Variants in BRCA2 observed in about 807,000 individuals in gnomAD.
BRCA2 encodes the protein breast cancer type 2 susceptibility protein.
In BRCA2, 203 loss-of-function variants were observed where a neutral mutation model predicts 276.7. The ratio of observed to expected loss-of-function variants is 0.73; its 90% CI spans 0.65 to 0.82. BRCA2 has a LOEUF of 0.82. Ranked by LOEUF, BRCA2 falls within the 40% of genes least tolerant of loss-of-function variation. The probability of loss-of-function intolerance (pLI) is 0.00; values close to 1 mark genes in which losing one functional copy is unlikely to be tolerated. For synonymous variants in BRCA2, 1,289 were observed against 1,338.4 expected (o/e 0.96, Z 0.81); for missense variants, 3,920 against 3,915.0 (o/e 1.00, Z -0.03).
rs80358632 is a variant in BRCA2 at position 32,338,236 on chromosome 13, T to A, written c.3881T>A (p.Leu1294Ter). 6.5e-7 allele frequency: 1 copy of A among 1,543,112 alleles called. No individual in the cohort carries two copies. Residue 1294 changes from leucine to a stop codon, truncating the protein, a stop_gained, in exon 11 of 27, where the codon TTA (leucine) becomes TAA (stop). Transcript: ENST00000380152. LOFTEE classifies it high-confidence loss of function. ...AAAAATAATAAATGCCAACTGATAT[T>A]ACAAAATAATATTGAAATGACTACT... ...SEKNNKCQLILQNNIEMTTGT... is the reference protein window; with the variant it reads ...SEKNNKCQLI
chr13:32,337,798 A>G lies in BRCA2; in HGVS notation c.3443A>G (p.Gln1148Arg), dbSNP rs200808363. ...AGTACATTTGAAGTGCCTGAAAACC[A>G]GATGACTATCTTAAAGACCACTTCT... is the stretch of plus-strand genomic sequence containing the variant. ...QKSTFEVPEN[Q>R]MTILKTTSEE... The change falls in exon 11 of 27, where the codon CAG (glutamine) becomes CGG (arginine). Residue 1148 changes from glutamine (Q) to arginine (R), a missense_variant. By Grantham distance (43) the Gln-to-Arg change is conservative. This residue lies in a region of BRCA2 where 3,263 missense variants were observed against 3,156.9 expected (regional missense o/e 1.03). Coordinates refer to ENST00000380152, the MANE Select transcript of BRCA2 (RefSeq NM_000059.4). The G allele has an allele frequency of 4.3e-6, 7 of 1,614,114 alleles. No individual in the cohort carries two copies. Among genetic ancestry groups the G allele is most frequent in the East Asian group, 2.2e-5 (1 of 44,882 alleles).
rs118187652 is a variant in BRCA2, at chr13:32,368,578, C to T, written c.8332-1824C>T. Among the ~76,000 whole-genome samples the T allele has an allele frequency of 0.016, 2,403 of 151,068 alleles. 29 individuals are homozygous for T. The highest frequency in any genetic ancestry group is 0.025 in the Non-Finnish European group (1,713 of 67,850). On this transcript the variant is annotated intron_variant, in intron 18 of 26. Transcript: ENST00000380152. ...TTGAGTCTCTCTGGTTAGAGACTTT[C>T]CTCAATGGTGATCATTCACTGATCC...
At chr13:32,319,380 A>G in intron 3 of BRCA2, 55 bp downstream of exon 3, 2 of 1,511,010 alleles carry the variant, frequency 1.3e-6, no homozygotes, top group Admixed American at 1.8e-5. Flanking sequence ...AATTTAGGCA[A>G]ACCTGTGTTA....
At position 32,340,194 on chromosome 13, in the gene BRCA2, C is replaced by G. The variant is rs80358812; in HGVS notation, c.5839C>G (p.Pro1947Ala). 2.5e-6 allele frequency: 4 copies of G among 1,613,530 alleles called. No homozygotes were observed. The highest frequency in any genetic ancestry group is 1.3e-5 in the African/African-American group (1 of 74,854). ...SGLEKVSKISPCDVSLETSDI... is the reference protein window; with the variant it reads ...SGLEKVSKISACDVSLETSDI... ...ATTGGAGAAAGTTTCTAAAATATCACCTTGTGATGTTAGTTTGGAAACTTC... is the reference window on the plus strand; with the variant it reads ...ATTGGAGAAAGTTTCTAAAATATCAGCTTGTGATGTTAGTTTGGAAACTTC... Residue 1947 changes from proline to alanine, a missense_variant, in exon 11 of 27, where the codon CCT becomes GCT. This residue lies in a region of BRCA2 where 3,263 missense variants were observed against 3,156.9 expected (regional missense o/e 1.03). Coordinates refer to ENST00000380152, the MANE Select transcript of BRCA2 (RefSeq NM_000059.4).
chr13:32,354,734 G>A, intron 13 of BRCA2, 127 bp from the exon 14 acceptor site: 2 of 728,550 alleles, frequency 2.7e-6, no homozygotes, highest in Non-Finnish European at 4.8e-6. Flanking sequence ...TGGCAACCAT[G>A]GTGAATACAA....
At chr13:32,346,341 T>C (rs750427337) in intron 12 of BRCA2, among the ~76,000 whole-genome samples, 1 of 152,036 alleles carries the variant, frequency 6.6e-6, no homozygotes, top group Non-Finnish European at 1.5e-5. Flanking sequence ...CCTTAATGAG[T>C]ATATAGAGAT....
chr13:32,385,675 C>G, intron 24 of BRCA2: 1 of 220,906 alleles, frequency 4.5e-6, no homozygotes, highest in South Asian at 7.5e-5. Context: ...TGCTGTGGAA[C>G]AAAAGCCCAC....
At chr13:32,328,591 G>C (rs2072366959) in intron 7 of BRCA2, among the ~76,000 whole-genome samples, 1 of 152,102 alleles carries the variant, frequency 6.6e-6, no homozygotes, top group Non-Finnish European at 1.5e-5. Context: ...TATTTTGTGA[G>C]TCGTATATGC....
intron 4 of BRCA2, 146 bp from the exon 5 acceptor site, chr13:32,325,955 A>G: frequency 1.4e-6 from 1 of 736,430 alleles, no homozygotes; most frequent in Non-Finnish European, 2.2e-6. Flanking sequence ...TTCATGAGAG[A>G]TTTACTTTTT....
In BRCA2 at chr13:32,354,902, C is replaced by T. The variant is rs587781847; in HGVS notation, c.7049C>T (p.Thr2350Ile). 4 of 1,613,420 alleles carry T rather than the reference C, an allele frequency of 2.5e-6. No homozygotes were observed. The highest frequency in any genetic ancestry group is 3.4e-6 in the Non-Finnish European group (4 of 1,179,508). ...CAAGAGATACAGAATCCAAATTTTA[C>T]CGCACCTGGTCAAGAATTTCTGTCT... The part of the protein sequence containing the change: ...ERQEIQNPNF[T>I]APGQEFLSKS... The change falls in exon 14 of 27, where the codon ACC becomes ATC. Residue 2350 changes from threonine (T) to isoleucine (I), a missense_variant. By Grantham distance (89) the Thr-to-Ile change is moderately conservative (BLOSUM62 -1). Transcript: ENST00000380152.
At chr13:32,331,184 T>C (rs2072389354) in intron 9 of BRCA2, among the ~76,000 whole-genome samples, 154 bp downstream of exon 9, 1 of 151,956 alleles carries the variant, frequency 6.6e-6, no homozygotes. Context: ...GCTTGCCAAG[T>C]AGCTGAGATT....
Position 32,337,685 on chromosome 13 carries a change from A to C in BRCA2, c.3330A>C (p.Glu1110Asp), listed in dbSNP as rs369294255. Residue 1110 changes from glutamate to aspartate, a missense_variant, in exon 11 of 27, where the codon GAA (glutamate) becomes GAC (aspartate). This residue lies in a region of BRCA2 where 3,263 missense variants were observed against 3,156.9 expected (regional missense o/e 1.03). Transcript: ENST00000380152. ...NHNLTPSQKA[E>D]ITELSTILEE... Reference sequence around the variant, plus strand: ...ATTTAACACCTAGCCAAAAGGCAGAAATTACAGAACTTTCTACTATATTAG... The same window carrying C: ...ATTTAACACCTAGCCAAAAGGCAGACATTACAGAACTTTCTACTATATTAG... The C allele has an allele frequency of 3.1e-6, 5 of 1,599,362 alleles. No homozygotes were observed. The East Asian group carries it at 6.7e-5, about 21-fold the overall frequency.
rs80359042 is a variant in BRCA2, at chr13:32,363,241, A to G, written c.8039A>G (p.Asp2680Gly). 14 of 1,614,090 alleles carry G rather than the reference A, an allele frequency of 8.7e-6. No individual in the cohort carries two copies. Among genetic ancestry groups the G allele is most frequent in the Non-Finnish European group, 1.0e-5 (12 of 1,179,974 alleles). ...ATAAAAAAGATAATGGAAAGGGATG[A>G]CACAGCTGCAAAAACACTTGTTCTC... Reference protein sequence around the residue: ...SAIKKIMERDDTAAKTLVLCV... With the variant: ...SAIKKIMERDGTAAKTLVLCV... Residue 2680 changes from aspartate (D) to glycine (G), a missense_variant, in exon 18 of 27, where the codon GAC becomes GGC. This residue lies in a region of BRCA2 where 3,263 missense variants were observed against 3,156.9 expected (regional missense o/e 1.03). Coordinates refer to ENST00000380152, the MANE Select transcript of BRCA2 (RefSeq NM_000059.4).
chr13:32,359,661 C>T (rs2072725555), intron 16 of BRCA2, among the ~76,000 whole-genome samples: 1 of 152,152 alleles, frequency 6.6e-6, no homozygotes. Context: ...ATATTGTTTA[C>T]ATCTTGCGTA....
intron 26 of BRCA2, 48 bp downstream of exon 26, chr13:32,397,092 G>A: frequency 6.4e-7 from 1 of 1,574,140 alleles, no homozygotes; most frequent in Non-Finnish European, 8.7e-7. Context: ...ATATATGGAG[G>A]CCATCGTATA....
intron 14 of BRCA2, among the ~76,000 whole-genome samples, chr13:32,355,708 AAAAT>A (rs936530572): frequency 3.3e-5 from 5 of 151,822 alleles, no homozygotes; most frequent in Non-Finnish European, 5.9e-5. Context: ...CTAAAAATAC[AAAAT>A]AAATAAATAA....
intron 20 of BRCA2, among the ~76,000 whole-genome samples, chr13:32,372,314 A>G (rs911150628): frequency 6.6e-6 from 1 of 152,228 alleles, no homozygotes; most frequent in Non-Finnish European, 1.5e-5. Flanking sequence ...ATCCATAAGA[A>G]GCAGCTCTGT....
intron 13 of BRCA2, among the ~76,000 whole-genome samples, chr13:32,353,146 C>A (rs2072663630): frequency 6.6e-6 from 1 of 152,134 alleles, no homozygotes; most frequent in Non-Finnish European, 1.5e-5. Context: ...ATAGATTGTT[C>A]TCATCACCCT....
chr13:32,344,642 G>A lies in BRCA2; in HGVS notation c.6926G>A (p.Ser2309Asn), dbSNP rs371376730. Residue 2309 changes from serine (S) to asparagine (N), a missense_variant, in exon 12 of 27, where the codon AGC (serine) becomes AAC (asparagine). By Grantham distance (46) the Ser-to-Asn change is conservative (BLOSUM62 1). Coordinates refer to ENST00000380152, the MANE Select transcript of BRCA2 (RefSeq NM_000059.4). ...NQEKSLKASK[S>N]TPDGTIKDRR... ...GAAAAATCCTTAAAGGCTTCAAAAA[G>A]CACTCCAGATGGTAAAATTAGCTTT... The A allele has an allele frequency of 6.4e-7, 1 of 1,568,152 alleles. No individual in the cohort carries two copies. Among genetic ancestry groups the A allele is most frequent in the Non-Finnish European group, 8.8e-7 (1 of 1,138,840 alleles).
Sources: gnomAD v4.1 joint callset for allele counts (sites outside exome capture counted in the v4.1 genomes callset) on GRCh38, gnomAD v4.1.1 for gene constraint, gnomAD v4.1.1 regional missense constraint, MANE v1.5 for transcripts, NCBI Gene and HGNC (gene_info 2026-07-23, HGNC 2026-07-21) for gene names.